Variants in NOL4L observed in about 807,000 individuals in gnomAD.
The protein encoded by NOL4L is nucleolar protein 4 like.
In NOL4L, 7 loss-of-function variants were observed where a neutral mutation model predicts 64.5. The ratio of observed to expected loss-of-function variants is 0.11; its 90% confidence interval spans 0.06 to 0.20. The LOEUF is 0.20. Ranked by LOEUF, NOL4L falls within the 10% of genes least tolerant of loss-of-function variation. The probability of loss-of-function intolerance (pLI) is 1.00; values close to 1 mark genes in which losing one functional copy is unlikely to be tolerated. For synonymous variants in NOL4L, 413 were observed against 401.0 expected (o/e 1.03, Z -0.36); for missense variants, 680 against 967.1 (o/e 0.70, Z 3.94).
intron 5 of NOL4L, among the ~76,000 whole-genome samples, chr20:32,462,903 T>TAAAAAAAAAAAAAAAC (rs2014205857): frequency 1.3e-5 from 1 of 76,668 alleles, no homozygotes; most frequent in African/African-American, 4.8e-5. Flanking sequence ...GACTCTGTCT[T>TAAAAAAAAAAAAAAAC]AAAAAAAAAA....
At chr20:32,478,437 C>G (rs2145489971) in intron 4 of NOL4L, among the ~76,000 whole-genome samples, 1 of 152,290 alleles carries the variant, frequency 6.6e-6, no homozygotes, top group South Asian at 2.1e-4. Flanking sequence ...AGCAAAACTT[C>G]TGACCCACCT....
chr20:32,584,324 T>A (rs1298982174), intron 1 of NOL4L, among the ~76,000 whole-genome samples: 1 of 150,240 alleles, frequency 6.7e-6, no homozygotes, highest in Admixed American at 6.6e-5. Context: ...CGGGACAGCC[T>A]GCCCGGCACG....
At chr20:32,564,023 G>A (rs564637296) in intron 1 of NOL4L, among the ~76,000 whole-genome samples, 4 of 152,218 alleles carry the variant, frequency 2.6e-5, no homozygotes, top group Admixed American at 6.5e-5. Flanking sequence ...TAATTTGCAC[G>A]AGAGGAGACA....
At chr20:32,547,554 G>C (rs1388142421) in intron 1 of NOL4L, among the ~76,000 whole-genome samples, 2 of 152,148 alleles carry the variant, frequency 1.3e-5, no homozygotes, top group Non-Finnish European at 2.9e-5. Flanking sequence ...GACTCCCATA[G>C]TTCAGGGATT....
chr20:32,490,144 A>AAAAACC (rs543768294), intron 4 of NOL4L, among the ~76,000 whole-genome samples: 1 of 122,208 alleles, frequency 8.2e-6, no homozygotes, highest in African/African-American at 3.2e-5. Flanking sequence ...AAAAAAAAAA[A>AAAAACC]ATATATATAC....
At chr20:32,537,905 A>G (rs1254442411) in intron 1 of NOL4L, among the ~76,000 whole-genome samples, 2 of 151,878 alleles carry the variant, frequency 1.3e-5, no homozygotes, top group African/African-American at 4.8e-5. Flanking sequence ...CAGCCTCCCG[A>G]GTAGCTGGGA....
chr20:32,471,011 G>A (rs925445985), intron 5 of NOL4L, among the ~76,000 whole-genome samples: 2 of 152,248 alleles, frequency 1.3e-5, no homozygotes, highest in African/African-American at 2.4e-5. Context: ...GCAGGGACCT[G>A]GGAGCATCCC....
At position 32,447,698 on chromosome 20, in the gene NOL4L, C is replaced by T. The variant is rs776479346; in HGVS notation, c.1941G>A (p.Glu647=). 3 of 1,612,204 alleles carry T rather than the reference C, an allele frequency of 1.9e-6. No homozygotes were observed. Among genetic ancestry groups the T allele is most frequent in the East Asian group, 4.5e-5 (2 of 44,842 alleles). Residue 647 remains glutamate, a synonymous_variant, in exon 11 of 11, where the codon GAG becomes GAA. Coordinates refer to ENST00000621426, the MANE Select transcript of NOL4L (RefSeq NM_001256798.2). ...CGATGAGCTGCCGCACGGCGCTGAT[C>T]TCCGTGGGGCTGAGCTGAGCGGTGG... ...PVPTAQLSPT[E]ISAVRQLIAG... is the part of the protein sequence containing the mutation.
chr20:32,507,412 A>G (rs2017180969), intron 4 of NOL4L, among the ~76,000 whole-genome samples: 1 of 152,174 alleles, frequency 6.6e-6, no homozygotes, highest in Admixed American at 6.5e-5. Flanking sequence ...ACCAGACTTC[A>G]AGAAGAATCT....
At chr20:32,550,795 G>A (rs888429311) in intron 1 of NOL4L, among the ~76,000 whole-genome samples, 44 of 151,216 alleles carry the variant, frequency 2.9e-4, no homozygotes, top group African/African-American at 1.0e-3. Flanking sequence ...CAGGAGAATC[G>A]CTTGAACCCA....
chr20:32,476,605 C>T (rs1382884133), intron 4 of NOL4L, among the ~76,000 whole-genome samples: 3 of 152,232 alleles, frequency 2.0e-5, no homozygotes, highest in African/African-American at 7.2e-5. Flanking sequence ...GTGCCACCTA[C>T]TCCAAACTCC....
In NOL4L at chr20:32,453,479, A is replaced by G; in HGVS notation, c.1322T>C (p.Phe441Ser). The G allele has an allele frequency of 6.2e-7, 1 of 1,614,058 alleles. No individual in the cohort carries two copies. The highest frequency in any genetic ancestry group is 8.5e-7 in the Non-Finnish European group (1 of 1,179,990). Residue 441 changes from phenylalanine (F) to serine (S), a missense_variant, in exon 8 of 11, where the codon TTT becomes TCT. Physicochemically the swap from Phe to Ser is radical, Grantham distance 155 (BLOSUM62 -2). This residue lies in a region of NOL4L where 70 missense variants were observed against 166.1 expected (regional missense o/e 0.42). Coordinates refer to ENST00000621426, the MANE Select transcript of NOL4L (RefSeq NM_001256798.2). The surrounding 1 kb of genome is among the most constrained non-coding windows in gnomAD (Gnocchi z 5.6). ...LKAFNMFVRLFVDENLDRMVP... is the reference protein window; with the variant it reads ...LKAFNMFVRLSVDENLDRMVP... ...CATGCGGTCCAGGTTCTCGTCCACA[A>G]AGAGACGCACAAACATCTGTGGAGA...
intron 1 of NOL4L, among the ~76,000 whole-genome samples, chr20:32,574,060 G>A (rs1049180183): frequency 6.6e-6 from 1 of 152,176 alleles, no homozygotes; most frequent in Non-Finnish European, 1.5e-5. Flanking sequence ...CTTGGGGTAC[G>A]GGTTTTATCA....
intron 1 of NOL4L, among the ~76,000 whole-genome samples, chr20:32,578,879 G>A (rs1319908511): frequency 1.3e-5 from 2 of 152,212 alleles, no homozygotes; most frequent in Non-Finnish European, 2.9e-5. Flanking sequence ...CTTGGCTTTG[G>A]GCTTTGTTAT....
intron 1 of NOL4L, among the ~76,000 whole-genome samples, chr20:32,583,859 A>G (rs1167245099): frequency 2.9e-5 from 4 of 136,258 alleles, no homozygotes; most frequent in Non-Finnish European, 4.8e-5. Context: ...GGGGGAGGGG[A>G]GGGGATGGAT....
intron 4 of NOL4L, chr20:32,486,875 A>C (rs1473976004): frequency 2.8e-5 from 12 of 428,020 alleles, no homozygotes; most frequent in Non-Finnish European, 5.3e-5. Flanking sequence ...TCAAGAGACA[A>C]CCAGACAAGA....
At chr20:32,495,170 A>G (rs1313320310) in intron 4 of NOL4L, among the ~76,000 whole-genome samples, 1 of 152,272 alleles carries the variant, frequency 6.6e-6, no homozygotes, top group Non-Finnish European at 1.5e-5. Context: ...CGGCTGCAGC[A>G]CAAGTGTGCC....
chr20:32,468,419 C>T (rs2014731395), intron 5 of NOL4L, among the ~76,000 whole-genome samples: 1 of 152,148 alleles, frequency 6.6e-6, no homozygotes, highest in Non-Finnish European at 1.5e-5. Context: ...ACGCCTCTGC[C>T]CAGCTTCCCA....
chr20:32,552,625 T>C (rs932148675), intron 1 of NOL4L, among the ~76,000 whole-genome samples: 1 of 151,166 alleles, frequency 6.6e-6, no homozygotes, highest in African/African-American at 2.4e-5. Context: ...AGGCGGAGGT[T>C]GCAGTGAGCC....
Sources: gnomAD v4.1 joint callset for allele counts (sites outside exome capture counted in the v4.1 genomes callset) on GRCh38, gnomAD v4.1.1 for gene constraint, gnomAD v4.1.1 regional missense constraint, Gnocchi (gnomAD v3.1) non-coding constraint, MANE v1.5 for transcripts, NCBI Gene and HGNC (gene_info 2026-07-23, HGNC 2026-07-21) for gene names.